The following SPAG16 variants were observed in gnomAD, a reference collection of about 807,000 sequenced individuals.
The protein encoded by SPAG16 is sperm associated antigen 16, also known as sperm-associated antigen 16 protein.
Under a neutral mutation model 80.4 loss-of-function variants are expected in SPAG16, and 86 were observed. The observed-to-expected ratio is 1.07, with a 90% CI of 0.90 to 1.28. The LOEUF (loss-of-function observed/expected upper bound fraction) is 1.28, where lower values mean the gene tolerates loss of function less well. SPAG16 is among the 50% of genes most tolerant of loss of function. The pLI, the probability that SPAG16 is intolerant of heterozygous loss-of-function variation, is 0.00. For missense variants in SPAG16, 870 were observed against 765.3 expected (o/e 1.14, Z -1.61); for synonymous variants, 294 against 265.9 (o/e 1.11, Z -1.03).
At chr2:214,118,562 G>T (rs144901246) in intron 14 of SPAG16, among the ~76,000 whole-genome samples, 1 of 152,190 alleles carries the variant, frequency 6.6e-6, no homozygotes, top group South Asian at 2.1e-4. Context: ...TTCACATGGT[G>T]GCGGCAGAAG....
At chr2:213,800,191 A>AT (rs1446312422) in intron 10 of SPAG16, among the ~76,000 whole-genome samples, 3 of 152,098 alleles carry the variant, frequency 2.0e-5, no homozygotes, top group Non-Finnish European at 4.4e-5. Context: ...GTTTATACTT[A>AT]TTTTGTGATC....
chr2:214,113,067 C>T (rs2053757157), intron 14 of SPAG16, among the ~76,000 whole-genome samples: 1 of 152,132 alleles, frequency 6.6e-6, no homozygotes, highest in African/African-American at 2.4e-5. Flanking sequence ...GATTTTATTT[C>T]TCCTTCATTT....
intron 12 of SPAG16, among the ~76,000 whole-genome samples, chr2:213,963,981 A>C (rs1189835268): frequency 6.6e-6 from 1 of 152,100 alleles, no homozygotes; most frequent in Admixed American, 6.5e-5. Context: ...CTTTCTGACA[A>C]TCTCTGCCTT....
At chr2:214,091,111 T>C (rs2052166078) in intron 13 of SPAG16, among the ~76,000 whole-genome samples, 1 of 152,120 alleles carries the variant, frequency 6.6e-6, no homozygotes, top group African/African-American at 2.4e-5. Context: ...CTCTATTCCC[T>C]ACTTCAATCC....
chr2:213,429,312 G>C (rs1417524642), intron 9 of SPAG16, among the ~76,000 whole-genome samples: 1 of 152,076 alleles, frequency 6.6e-6, no homozygotes, highest in Non-Finnish European at 1.5e-5. Context: ...CAGGGCCTGA[G>C]TGCAGAATTT....
At position 213,651,580 on chromosome 2, in the gene SPAG16, G is replaced by A. The variant is rs75939785; in HGVS notation, c.1070+161490G>A. Among the ~76,000 whole-genome samples the A allele has an allele frequency of 2.4e-3, 369 of 152,234 alleles. 3 individuals carry two copies. Among genetic ancestry groups the A allele is most frequent in the African/African-American group, 8.4e-3 (347 of 41,536 alleles). On this transcript the variant is annotated intron_variant, in intron 10 of 15. Coordinates refer to ENST00000331683, the MANE Select transcript of SPAG16 (RefSeq NM_024532.5). ...ATTAACAACAAAAGCTCTCTTGACT[G>A]TCTCAATCTCTTTCCAAACATAAGA... is the stretch of plus-strand genomic sequence containing the variant.
intron 15 of SPAG16, among the ~76,000 whole-genome samples, chr2:214,262,906 CATTTT>C (rs946542953): frequency 1.2e-4 from 18 of 152,062 alleles, no homozygotes; most frequent in Middle Eastern, 3.4e-3. Flanking sequence ...CAAACAGTAT[CATTTT>C]ATTTTATTTT....
chr2:213,693,896 T>A (rs947785899), intron 10 of SPAG16, among the ~76,000 whole-genome samples: 2 of 152,196 alleles, frequency 1.3e-5, no homozygotes, highest in Admixed American at 1.3e-4. Context: ...ACTACTTAGC[T>A]CTACCAATAG....
intron 10 of SPAG16, among the ~76,000 whole-genome samples, chr2:213,594,410 C>T (rs899219771): frequency 6.6e-6 from 1 of 152,106 alleles, no homozygotes; most frequent in Admixed American, 6.6e-5. Context: ...CATAATAGCT[C>T]CTCTTTATAC....
At chr2:213,656,897 T>C (rs1014462089) in intron 10 of SPAG16, among the ~76,000 whole-genome samples, 1 of 152,194 alleles carries the variant, frequency 6.6e-6, no homozygotes, top group African/African-American at 2.4e-5. Context: ...ATCTGTTCCA[T>C]ATCAAAGAAA....
At chr2:213,674,750 T>C (rs1331230519) in intron 10 of SPAG16, among the ~76,000 whole-genome samples, 4 of 150,528 alleles carry the variant, frequency 2.7e-5, no homozygotes, top group Admixed American at 1.3e-4. Flanking sequence ...TTCCATGGTG[T>C]ATATGTGCCA....
intron 6 of SPAG16, among the ~76,000 whole-genome samples, chr2:213,343,677 GA>G (rs1000530974): frequency 2.4e-4 from 36 of 151,854 alleles, no homozygotes; most frequent in African/African-American, 7.2e-4. Flanking sequence ...TTTGAGAACT[GA>G]AAAAAACATA....
intron 13 of SPAG16, among the ~76,000 whole-genome samples, chr2:214,088,059 A>T (rs1317864152): frequency 6.6e-6 from 1 of 152,148 alleles, no homozygotes; most frequent in East Asian, 1.9e-4. Flanking sequence ...ACAATTAAAA[A>T]TAAATTGAAA....
intron 13 of SPAG16, among the ~76,000 whole-genome samples, chr2:214,053,592 T>C (rs1246104427): frequency 1.3e-5 from 2 of 152,170 alleles, no homozygotes; most frequent in African/African-American, 2.4e-5. Flanking sequence ...AGGTAATTCA[T>C]ACCTAGAAAA....
intron 5 of SPAG16, among the ~76,000 whole-genome samples, chr2:213,334,929 T>A (rs2064277329): frequency 6.6e-6 from 1 of 152,162 alleles, no homozygotes; most frequent in Non-Finnish European, 1.5e-5. Context: ...TAATTGTACA[T>A]TTAAAAATAA....
chr2:213,603,578 G>C, intron 10 of SPAG16, among the ~76,000 whole-genome samples: 1 of 152,154 alleles, frequency 6.6e-6, no homozygotes, highest in East Asian at 1.9e-4. Context: ...TTTACACTTA[G>C]ATCTTATATC....
intron 10 of SPAG16, among the ~76,000 whole-genome samples, chr2:213,552,700 G>T (rs1403373970): frequency 6.6e-6 from 1 of 152,116 alleles, no homozygotes; most frequent in Non-Finnish European, 1.5e-5. Context: ...GTCTGTGAGG[G>T]TGTTGTCAAA....
At chr2:213,783,266 A>C (rs1291271636) in intron 10 of SPAG16, among the ~76,000 whole-genome samples, 1 of 151,222 alleles carries the variant, frequency 6.6e-6, no homozygotes, top group East Asian at 2.0e-4. Flanking sequence ...CATGGTGTAT[A>C]TGTGCCACAT....
intron 10 of SPAG16, among the ~76,000 whole-genome samples, chr2:213,599,945 C>G (rs1015207378): frequency 2.0e-5 from 3 of 152,154 alleles, no homozygotes; most frequent in African/African-American, 4.8e-5. Flanking sequence ...CTTGGCCTCT[C>G]ACAGTGCTGG....
Sources: gnomAD v4.1 joint callset for allele counts (sites outside exome capture counted in the v4.1 genomes callset) on GRCh38, gnomAD v4.1.1 for gene constraint, MANE v1.5 for transcripts, NCBI Gene and HGNC (gene_info 2026-07-23, HGNC 2026-07-21) for gene names.